Variants in PTPRD observed in about 807,000 individuals in gnomAD.
PTPRD encodes receptor-type tyrosine-protein phosphatase delta.
A neutral mutation model predicts 214.5 loss-of-function variants in PTPRD; 34 were observed. The ratio of observed to expected loss-of-function variants is 0.16; its 90% CI spans 0.12 to 0.21. PTPRD has a LOEUF of 0.21. Among genes scored for constraint, PTPRD ranks in the 10% least tolerant of loss-of-function variants. The probability of loss-of-function intolerance (pLI) is 1.00; values close to 1 mark genes in which losing one functional copy is unlikely to be tolerated. For synonymous variants in PTPRD, 1,128 were observed against 845.7 expected (o/e 1.33, Z -5.79); for missense variants, 2,545 against 2,398.7 (o/e 1.06, Z -1.27).
At chr9:9,051,291 T>C (rs1034540361) in intron 10 of PTPRD, among the ~76,000 whole-genome samples, 1 of 152,202 alleles carries the variant, frequency 6.6e-6, no homozygotes, top group Non-Finnish European at 1.5e-5. Flanking sequence ...TTTTTAAACC[T>C]GAAGGTGGTT....
At chr9:10,441,033 A>G (rs1479770933) in intron 2 of PTPRD, among the ~76,000 whole-genome samples, 1 of 151,676 alleles carries the variant, frequency 6.6e-6, no homozygotes, top group African/African-American at 2.4e-5. Context: ...AAATATCCAC[A>G]TGTTCTCAAA....
intron 12 of PTPRD, among the ~76,000 whole-genome samples, chr9:8,660,206 T>G (rs1436605373): frequency 6.6e-6 from 1 of 152,352 alleles, no homozygotes; most frequent in South Asian, 2.1e-4. Context: ...GCTCTTGTCT[T>G]ACACAGGCAC....
At chr9:9,049,700 C>T (rs899684642) in intron 10 of PTPRD, among the ~76,000 whole-genome samples, 5 of 152,094 alleles carry the variant, frequency 3.3e-5, no homozygotes, top group African/African-American at 1.2e-4. Context: ...AACTTACATG[C>T]AGGCCCTATA....
At chr9:9,649,771 G>A (rs983744752) in intron 7 of PTPRD, among the ~76,000 whole-genome samples, 1 of 152,244 alleles carries the variant, frequency 6.6e-6, no homozygotes, top group South Asian at 2.1e-4. Context: ...TATTCTCTCA[G>A]TGCTACTGTC....
intron 11 of PTPRD, among the ~76,000 whole-genome samples, chr9:8,948,468 C>T (rs4008139): frequency 0.31 from 2,406 of 7,886 alleles, 725 homozygotes; most frequent in East Asian, 0.83. Context: ...TATATATTTA[C>T]ATATATATAT....
chr9:10,063,476 T>A (rs571976749), intron 3 of PTPRD, among the ~76,000 whole-genome samples: 5 of 152,188 alleles, frequency 3.3e-5, no homozygotes, highest in African/African-American at 9.6e-5. Context: ...TTGGGGTTTA[T>A]GATCTAGATA....
At chr9:8,500,557 T>TG (rs1491524322) in intron 24 of PTPRD, among the ~76,000 whole-genome samples, 197 bp downstream of exon 24, 260 of 4,282 alleles carry the variant, frequency 0.061, 10 homozygotes, top group African/African-American at 0.13. Flanking sequence ...TTGAAAAAAA[T>TG]GAAAAAAAAA....
At chr9:9,455,707 A>G (rs1178935736) in intron 8 of PTPRD, among the ~76,000 whole-genome samples, 1 of 151,686 alleles carries the variant, frequency 6.6e-6, no homozygotes, top group Non-Finnish European at 1.5e-5. Context: ...AGATTGTTCA[A>G]TATAAAGGGG....
rs140821261 is a variant in PTPRD, at chr9:9,007,704, G to A, written c.-104+10993C>T. ...TGGGAATTCCATTTACCCTTCTCCC[G>A]TGTTTGACCTCCTGTTACTTGGATC... On this transcript the variant is annotated intron_variant, in intron 11 of 45. Transcript: ENST00000381196. Among the ~76,000 whole-genome samples, 738 of 139,196 alleles carry A rather than the reference G, an allele frequency of 5.3e-3. 2 individuals carry two copies. The highest frequency in any genetic ancestry group is 0.017 in the African/African-American group (658 of 38,148). 91.3% of individuals were successfully genotyped at this position (139,196 alleles called of 152,430 possible).
At chr9:8,318,551 A>G (rs1448100604) in intron 45 of PTPRD, among the ~76,000 whole-genome samples, 1 of 152,110 alleles carries the variant, frequency 6.6e-6, no homozygotes, top group Non-Finnish European at 1.5e-5. Flanking sequence ...ATACAGCCAG[A>G]AGGTAGCTGG....
At chr9:10,202,767 T>C (rs1487411915) in intron 3 of PTPRD, among the ~76,000 whole-genome samples, 1 of 150,160 alleles carries the variant, frequency 6.7e-6, no homozygotes, top group Non-Finnish European at 1.5e-5. Flanking sequence ...CTTTCACAAG[T>C]GGCCTAACCT....
At chr9:9,602,621 T>C (rs2093858484) in intron 7 of PTPRD, among the ~76,000 whole-genome samples, 1 of 152,134 alleles carries the variant, frequency 6.6e-6, no homozygotes. Flanking sequence ...AAATAATACG[T>C]ACCTATCTTT....
At chr9:9,001,961 A>G (rs945298482) in intron 11 of PTPRD, among the ~76,000 whole-genome samples, 3 of 119,036 alleles carry the variant, frequency 2.5e-5, no homozygotes, top group Non-Finnish European at 4.9e-5. Flanking sequence ...ATTGATTACT[A>G]CCACTAGCTC....
At chr9:9,382,272 T>A (rs10816105) in intron 9 of PTPRD, among the ~76,000 whole-genome samples, 36,355 of 151,980 alleles carry the variant, frequency 0.24, 4,425 homozygotes, top group Middle Eastern at 0.37. Flanking sequence ...GTTCTGATAG[T>A]TTTAGGGGAA....
intron 2 of PTPRD, among the ~76,000 whole-genome samples, chr9:10,478,528 A>C (rs1013497822): frequency 6.6e-6 from 1 of 152,156 alleles, no homozygotes; most frequent in Non-Finnish European, 1.5e-5. Context: ...CCCTTTATAA[A>C]GATGAGACAG....
At chr9:8,478,293 C>T (rs1451782661) in intron 30 of PTPRD, among the ~76,000 whole-genome samples, 2 of 152,084 alleles carry the variant, frequency 1.3e-5, no homozygotes, top group Admixed American at 1.3e-4. Context: ...CTTCATTAGG[C>T]TGCTAATAGT....
intron 14 of PTPRD, among the ~76,000 whole-genome samples, chr9:8,626,325 C>T (rs1203346673): frequency 6.6e-6 from 1 of 151,690 alleles, no homozygotes; most frequent in East Asian, 1.9e-4. Context: ...ATAAAGATGG[C>T]CTAGGTTAAC....
chr9:8,582,568 GA>G (rs202240667), intron 14 of PTPRD, among the ~76,000 whole-genome samples: 2,313 of 152,022 alleles, frequency 0.015, 29 homozygotes, highest in Middle Eastern at 0.051. Flanking sequence ...ATATAATAGG[GA>G]AAAAAGGAAA....
At chr9:10,253,333 G>A (rs1175957508) in intron 3 of PTPRD, among the ~76,000 whole-genome samples, 1 of 152,094 alleles carries the variant, frequency 6.6e-6, no homozygotes, top group Non-Finnish European at 1.5e-5. Flanking sequence ...AATTGCCATA[G>A]TACCAGCAAT....
Sources: allele counts gnomAD v4.1 joint callset (sites outside exome capture counted in the v4.1 genomes callset), GRCh38; gene constraint gnomAD v4.1.1; transcripts MANE v1.5; gene names NCBI Gene and HGNC (gene_info 2026-07-23, HGNC 2026-07-21).